Variants in TAF4B observed in about 807,000 individuals in gnomAD.
TAF4B encodes the protein TATA-box binding protein associated factor 4b.
A neutral mutation model predicts 86.4 loss-of-function variants in TAF4B; 38 were observed. That is an observed-to-expected ratio of 0.44 (90% CI 0.34 to 0.58). The LOEUF is 0.58. Ranked by LOEUF, TAF4B falls within the 20% of genes least tolerant of loss-of-function variation. The pLI is 0.02. For missense variants in TAF4B, 988 were observed against 1,027.6 expected (o/e 0.96, Z 0.53); for synonymous variants, 388 against 391.2 (o/e 0.99, Z 0.10).
intron 5 of TAF4B, among the ~76,000 whole-genome samples, chr18:26,280,311 A>G (rs2056432553): frequency 6.6e-6 from 1 of 152,232 alleles, no homozygotes; most frequent in Non-Finnish European, 1.5e-5. Context: ...AAAAATTGAC[A>G]AGTGGAACCT....
chr18:26,285,222 G>GTTTTTTTTTTTTGGTTTTTTTTTTTT (rs2056501259), intron 6 of TAF4B, among the ~76,000 whole-genome samples: 3 of 45,660 alleles, frequency 6.6e-5, no homozygotes, highest in East Asian at 1.1e-3. Context: ...TTTTTTTTTT[G>GTTTTTTTTTTTTGGTTTTTTTTTTTT]TTTTTTTTTT....
At chr18:26,318,633 A>C (rs923383700) in intron 10 of TAF4B, among the ~76,000 whole-genome samples, 1 of 152,214 alleles carries the variant, frequency 6.6e-6, no homozygotes, top group Non-Finnish European at 1.5e-5. Context: ...ACTAGTGTGC[A>C]AGCACCAACT....
chr18:26,331,040 C>T (rs771192843), intron 12 of TAF4B, among the ~76,000 whole-genome samples: 9 of 152,104 alleles, frequency 5.9e-5, no homozygotes, highest in Admixed American at 1.3e-4. Flanking sequence ...CCCAGCTCCC[C>T]GTAAGGATAT....
intron 3 of TAF4B, among the ~76,000 whole-genome samples, chr18:26,273,532 T>A (rs78447907): frequency 2.0e-5 from 3 of 152,258 alleles, no homozygotes; most frequent in African/African-American, 2.4e-5. Flanking sequence ...CTATCAATTC[T>A]CAGCATTTTA....
chr18:26,387,609 G>T (rs1017904725), intron 14 of TAF4B, among the ~76,000 whole-genome samples: 1 of 152,140 alleles, frequency 6.6e-6, no homozygotes, highest in African/African-American at 2.4e-5. Context: ...AGTACCAGAG[G>T]CTTACACTTG....
intron 1 of TAF4B, among the ~76,000 whole-genome samples, chr18:26,240,506 A>G (rs1198503354): frequency 2.6e-5 from 4 of 152,096 alleles, no homozygotes; most frequent in Non-Finnish European, 5.9e-5. Flanking sequence ...GGGTTTTCTA[A>G]ATATACAATC....
intron 13 of TAF4B, among the ~76,000 whole-genome samples, chr18:26,355,105 T>C (rs541258781): frequency 5.6e-4 from 86 of 152,346 alleles, no homozygotes; most frequent in Middle Eastern, 3.4e-3. Context: ...TACCTGTATG[T>C]GTTAGATTTA....
At chr18:26,303,911 AAGT>A (rs2056768022) in intron 9 of TAF4B, among the ~76,000 whole-genome samples, 1 of 152,108 alleles carries the variant, frequency 6.6e-6, no homozygotes, top group African/African-American at 2.4e-5. Flanking sequence ...TCTTTCAATA[AAGT>A]AGTATAATTT....
At chr18:26,309,744 C>T (rs2056834955) in intron 9 of TAF4B, among the ~76,000 whole-genome samples, 1 of 152,114 alleles carries the variant, frequency 6.6e-6, no homozygotes, top group East Asian at 1.9e-4. Context: ...ATGAGAGGGT[C>T]ATTTTCACTC....
intron 11 of TAF4B, among the ~76,000 whole-genome samples, chr18:26,326,709 C>G (rs2057007662): frequency 6.6e-6 from 1 of 152,038 alleles, no homozygotes; most frequent in Non-Finnish European, 1.5e-5. Flanking sequence ...TTTCTCCTTC[C>G]TATTGTTGGA....
At chr18:26,375,790 C>T (rs1167638479) in intron 14 of TAF4B, among the ~76,000 whole-genome samples, 1 of 152,046 alleles carries the variant, frequency 6.6e-6, no homozygotes, top group African/African-American at 2.4e-5. Context: ...TTACTTAATC[C>T]AGTGTCACAA....
intron 5 of TAF4B, among the ~76,000 whole-genome samples, chr18:26,276,933 A>C (rs1568122114): frequency 1.3e-5 from 2 of 152,202 alleles, no homozygotes; most frequent in Admixed American, 1.3e-4. Context: ...CTCTAGTTTT[A>C]AGATCTGTTT....
rs77834289 is a variant in TAF4B at position 26,229,955 on chromosome 18, TAA to T, written c.343+2688_343+2689del. On this transcript the variant is annotated intron_variant, in intron 1 of 14. Coordinates refer to ENST00000269142, the MANE Select transcript of TAF4B (RefSeq NM_005640.3). Reference sequence around the variant, plus strand: ...GTTTCATCTATGAACAGAACTGGTTTAAAAAAAAAATATATATATATATACAC... The same window carrying T: ...GTTTCATCTATGAACAGAACTGGTTTAAAAAAAATATATATATATATACAC... Among the ~76,000 whole-genome samples the T allele has an allele frequency of 4.5e-3, 665 of 148,894 alleles. 2 individuals are homozygous for T. The highest frequency in any genetic ancestry group is 0.015 in the African/African-American group (594 of 40,346).
At chr18:26,324,799 CT>C (rs1019916079) in intron 11 of TAF4B, among the ~76,000 whole-genome samples, 2 of 152,150 alleles carry the variant, frequency 1.3e-5, no homozygotes, top group African/African-American at 4.8e-5. Context: ...ATTATCAGCC[CT>C]TTTAAGTCAA....
chr18:26,293,316 G>T, intron 8 of TAF4B, 110 bp from the exon 9 acceptor site: 2 of 667,046 alleles, frequency 3.0e-6, no homozygotes, highest in South Asian at 2.0e-5. Flanking sequence ...GGGCAGCTTG[G>T]AATTTTCTTT....
chr18:26,227,814 G>A (rs1410984297), intron 1 of TAF4B, among the ~76,000 whole-genome samples: 1 of 152,230 alleles, frequency 6.6e-6, no homozygotes, highest in Non-Finnish European at 1.5e-5. Context: ...ACCGCGTACG[G>A]CCTAACAGTG....
At chr18:26,355,407 C>T (rs1373723723) in intron 13 of TAF4B, among the ~76,000 whole-genome samples, 2 of 152,134 alleles carry the variant, frequency 1.3e-5, no homozygotes, top group South Asian at 2.1e-4. Flanking sequence ...TCTTTATCCT[C>T]GATAAATGCC....
chr18:26,246,720 A>T (rs1398957413), intron 1 of TAF4B, among the ~76,000 whole-genome samples: 2 of 151,710 alleles, frequency 1.3e-5, no homozygotes, highest in East Asian at 1.9e-4. Flanking sequence ...TTTAGTAGAG[A>T]TGGGGCTTCA....
chr18:26,312,551 A>G (rs1176177567), intron 9 of TAF4B, among the ~76,000 whole-genome samples: 2 of 152,174 alleles, frequency 1.3e-5, no homozygotes, highest in Non-Finnish European at 2.9e-5. Context: ...TCTAAAAGAC[A>G]TGGGACTGTC....
Sources: allele counts gnomAD v4.1 joint callset (sites outside exome capture counted in the v4.1 genomes callset), GRCh38; gene constraint gnomAD v4.1.1; transcripts MANE v1.5; gene names NCBI Gene and HGNC (gene_info 2026-07-23, HGNC 2026-07-21).